Variants in ITSN1 observed in about 807,000 individuals in gnomAD.
The protein encoded by ITSN1 is intersectin-1.
Under a neutral mutation model 239.8 loss-of-function variants are expected in ITSN1, and 58 were observed. The ratio of observed to expected loss-of-function variants is 0.24; its 90% CI spans 0.20 to 0.30. ITSN1 has a LOEUF of 0.30. Among genes scored for constraint, ITSN1 ranks in the 10% least tolerant of loss-of-function variants. The pLI is 1.00. For synonymous variants in ITSN1, 780 were observed against 770.8 expected (o/e 1.01, Z -0.20); for missense variants, 1,558 against 2,103.3 (o/e 0.74, Z 5.07).
At chr21:33,784,423 A>G (rs564068435) in intron 16 of ITSN1, among the ~76,000 whole-genome samples, 1 of 152,062 alleles carries the variant, frequency 6.6e-6, no homozygotes, top group East Asian at 1.9e-4. Context: ...GAATCACTTG[A>G]GTCTGGGAGG....
chr21:33,720,598 A>C (rs938153276), intron 2 of ITSN1, among the ~76,000 whole-genome samples: 5 of 152,120 alleles, frequency 3.3e-5, no homozygotes, highest in Non-Finnish European at 7.3e-5. Context: ...GCATACTGAG[A>C]TACCTGTTTT....
Position 33,765,911 on chromosome 21 carries a change from A to G in ITSN1, c.825A>G (p.Thr275=). 1 of 1,614,166 alleles carries G rather than the reference A, an allele frequency of 6.2e-7. No individual in the cohort carries two copies. Among genetic ancestry groups the G allele is most frequent in the Non-Finnish European group, 8.5e-7 (1 of 1,179,982 alleles). ...LSDIDQDGKL[T]AEEFILAMHL... is the part of the protein sequence containing the mutation. Reference sequence around the variant, plus strand: ...ACATTGATCAAGATGGAAAACTTACAGCAGAGGAATTTATCCTGGCAATGC... The same window carrying G: ...ACATTGATCAAGATGGAAAACTTACGGCAGAGGAATTTATCCTGGCAATGC... The change falls in exon 10 of 40, where the codon ACA becomes ACG. Residue 275 remains threonine, a synonymous_variant. Coordinates refer to ENST00000381318, the MANE Select transcript of ITSN1 (RefSeq NM_003024.3).
chr21:33,860,865 G>C (rs907095805), intron 31 of ITSN1, among the ~76,000 whole-genome samples: 1 of 152,194 alleles, frequency 6.6e-6, no homozygotes, highest in Non-Finnish European at 1.5e-5. Flanking sequence ...CATGGTGCTT[G>C]TCCTGCCTAC....
chr21:33,713,762 C>T (rs945901392), intron 1 of ITSN1, among the ~76,000 whole-genome samples: 3 of 150,556 alleles, frequency 2.0e-5, no homozygotes, highest in African/African-American at 2.4e-5. Flanking sequence ...AGGAGAACCT[C>T]GCTGTGATTG....
chr21:33,651,448 T>C (rs938603255), intron 1 of ITSN1, among the ~76,000 whole-genome samples: 1 of 152,160 alleles, frequency 6.6e-6, no homozygotes, highest in African/African-American at 2.4e-5. Flanking sequence ...ATGAGGATAA[T>C]GTGGTGTACT....
intron 14 of ITSN1, among the ~76,000 whole-genome samples, chr21:33,780,269 T>C (rs932052962): frequency 6.6e-6 from 1 of 152,240 alleles, no homozygotes; most frequent in African/African-American, 2.4e-5. Flanking sequence ...ATGTTTAGAC[T>C]GTTCACTTAT....
chr21:33,841,576 GTC>G (rs2074824274), intron 29 of ITSN1, among the ~76,000 whole-genome samples: 1 of 152,170 alleles, frequency 6.6e-6, no homozygotes, highest in Non-Finnish European at 1.5e-5. Flanking sequence ...TGCTCCTGGA[GTC>G]TCTTGCTCAT....
At chr21:33,665,064 A>G (rs2089838097) in intron 1 of ITSN1, among the ~76,000 whole-genome samples, 1 of 152,176 alleles carries the variant, frequency 6.6e-6, no homozygotes, top group South Asian at 2.1e-4. Flanking sequence ...GGAGTTCGAG[A>G]CCAGCCTGGC....
At position 33,883,628 on chromosome 21, in the gene ITSN1, A is replaced by G. The variant is rs751769880; in HGVS notation, c.4633A>G (p.Ile1545Val). The change falls in exon 36 of 40, where the codon ATT (isoleucine) becomes GTT (valine). Residue 1545 changes from isoleucine to valine, a missense_variant. Coordinates refer to ENST00000381318, the MANE Select transcript of ITSN1 (RefSeq NM_003024.3). Reference sequence around the variant, plus strand: ...CGAGCCCATCTTCCACATCTCCCACATTGACCGCGTCTATACTCTCCGAGC... The same window carrying G: ...CGAGCCCATCTTCCACATCTCCCACGTTGACCGCGTCTATACTCTCCGAGC... ...GDEPIFHISH[I>V]DRVYTLRAES... The G allele has an allele frequency of 3.7e-6, 6 of 1,613,714 alleles. No homozygotes were observed. In the South Asian group the frequency reaches 5.5e-5, roughly 15 times the overall value.
intron 29 of ITSN1, among the ~76,000 whole-genome samples, chr21:33,850,378 G>T (rs1345751760): frequency 1.3e-5 from 2 of 152,196 alleles, no homozygotes; most frequent in South Asian, 2.1e-4. Context: ...TGGTGCCTTT[G>T]GGGGCATTCC....
intron 5 of ITSN1, among the ~76,000 whole-genome samples, chr21:33,743,097 G>T (rs866424029): frequency 6.6e-6 from 1 of 152,170 alleles, no homozygotes; most frequent in African/African-American, 2.4e-5. Context: ...TAGAAATGAG[G>T]ATGCAACTAG....
chr21:33,772,211 G>T lies in ITSN1; in HGVS notation c.1193G>T (p.Arg398Leu), dbSNP rs533840234. 2.5e-6 allele frequency: 4 copies of T among 1,613,162 alleles called. No homozygotes were observed. Among genetic ancestry groups the T allele is most frequent in the African/African-American group, 2.7e-5 (2 of 74,892 alleles). ...RAEQERKERE[R>L]QEQERKRQLE... is the part of the protein sequence containing the mutation. Reference sequence around the variant, plus strand: ...GAGCAGGAGAGGAAGGAGCGTGAGCGCCAGGAGCAAGAGCGCAAAAGACAA... The same window carrying T: ...GAGCAGGAGAGGAAGGAGCGTGAGCTCCAGGAGCAAGAGCGCAAAAGACAA... Residue 398 changes from arginine (R) to leucine (L), a missense_variant, in exon 12 of 40, where the codon CGC becomes CTC. Physicochemically the swap from Arg to Leu is moderately radical, Grantham distance 102. Transcript: ENST00000381318.
At chr21:33,733,449 TAAC>T (rs2066310259) in intron 4 of ITSN1, among the ~76,000 whole-genome samples, 1 of 152,098 alleles carries the variant, frequency 6.6e-6, no homozygotes, top group South Asian at 2.1e-4. Context: ...AATCAAGGAC[TAAC>T]AACCTTCTAA....
intron 1 of ITSN1, among the ~76,000 whole-genome samples, chr21:33,697,520 C>T (rs966103348): frequency 6.6e-6 from 1 of 151,424 alleles, no homozygotes; most frequent in Non-Finnish European, 1.5e-5. Flanking sequence ...TTAATTTTTT[C>T]ATCACTTATT....
At chr21:33,796,464 A>G (rs961053079) in intron 17 of ITSN1, among the ~76,000 whole-genome samples, 5 of 152,198 alleles carry the variant, frequency 3.3e-5, no homozygotes, top group Admixed American at 6.5e-5. Context: ...GACAATGGAG[A>G]ATAAAAGTAT....
Position 33,895,538 on chromosome 21 carries a change from CGT to C in ITSN1, c.*7246_*7247del, listed in dbSNP as rs142896229. ...TTGTGTGTGCATGTGTGTGTGTCTA[CGT>C]GTGTGTGCACGCATGTGTGTGCGTG... On this transcript the variant is annotated 3_prime_UTR_variant, in exon 40 of 40. Coordinates refer to ENST00000381318, the MANE Select transcript of ITSN1 (RefSeq NM_003024.3). 12,235 of 136,500 alleles carry C rather than the reference CGT, an allele frequency of 0.09. 676 individuals are homozygous for C. The highest frequency in any genetic ancestry group is 0.26 in the East Asian group (1,220 of 4,700). The allele number at this position is 136,500 out of a possible 1,614,324, so 8.5% of individuals were successfully genotyped here.
intron 14 of ITSN1, among the ~76,000 whole-genome samples, chr21:33,778,571 CT>C (rs397948229): frequency 1.1e-3 from 68 of 63,942 alleles, no homozygotes; most frequent in African/African-American, 3.1e-3. Context: ...ATAATATTCT[CT>C]TTTTTTTTTT....
At chr21:33,800,349 T>C (rs1016820711) in intron 19 of ITSN1, among the ~76,000 whole-genome samples, 1 of 151,962 alleles carries the variant, frequency 6.6e-6, no homozygotes, top group African/African-American at 2.4e-5. Flanking sequence ...TGTGTATATA[T>C]GTACACATAT....
chr21:33,831,539 G>A (rs1447779621), intron 27 of ITSN1, among the ~76,000 whole-genome samples: 1 of 152,172 alleles, frequency 6.6e-6, no homozygotes, highest in African/African-American at 2.4e-5. Flanking sequence ...CCTTTGCCAT[G>A]CAGTGGACTA....
Sources: gnomAD v4.1 joint callset for allele counts (sites outside exome capture counted in the v4.1 genomes callset) on GRCh38, gnomAD v4.1.1 for gene constraint, MANE v1.5 for transcripts, NCBI Gene and HGNC (gene_info 2026-07-23, HGNC 2026-07-21) for gene names.